RAB38: variants seen among roughly 807,000 people sequenced by gnomAD.
The protein encoded by RAB38 is ras-related protein Rab-38.
RAB38 carries 15 observed loss-of-function variants against 18.4 expected under a neutral mutation model. The observed-to-expected ratio is 0.82, with a 90% CI of 0.55 to 1.26. The LOEUF (loss-of-function observed/expected upper bound fraction) is 1.26, where lower values mean the gene tolerates loss of function less well. RAB38 is among the 50% of genes most tolerant of loss of function. The pLI, the probability that RAB38 is intolerant of heterozygous loss-of-function variation, is 0.00. For missense variants in RAB38, 294 were observed against 267.4 expected, an observed-to-expected ratio of 1.10 and a Z score of -0.69; for synonymous variants, 101 against 104.4, an observed-to-expected ratio of 0.97 and a Z score of 0.20.
chr11:87,938,007 TA>T, the RAB38 span, among the ~76,000 whole-genome samples: 1 of 151,996 alleles, frequency 6.6e-6, no homozygotes, highest in South Asian at 2.1e-4. Context: ...TTACATATAA[TA>T]AGTGACTTGA....
At chr11:88,056,745 A>G in the RAB38 span, among the ~76,000 whole-genome samples, 1 of 152,158 alleles carries the variant, frequency 6.6e-6, no homozygotes, top group Non-Finnish European at 1.5e-5. Flanking sequence ...CGGAGCTTGC[A>G]GTGAGCCAAG....
the RAB38 span, among the ~76,000 whole-genome samples, chr11:87,949,930 A>C: frequency 4.6e-5 from 7 of 152,198 alleles, no homozygotes; most frequent in African/African-American, 1.7e-4. Context: ...ACTGAGTTCA[A>C]TTCCTGGATA....
At chr11:88,012,187 T>A in the RAB38 span, among the ~76,000 whole-genome samples, 1 of 152,126 alleles carries the variant, frequency 6.6e-6, no homozygotes, top group Non-Finnish European at 1.5e-5. Context: ...GTTTAGACTG[T>A]GACCTACTGA....
chr11:88,088,040 T>C, the RAB38 span, among the ~76,000 whole-genome samples: 2 of 151,842 alleles, frequency 1.3e-5, no homozygotes, highest in Non-Finnish European at 2.9e-5. Flanking sequence ...CTGCCTAGCA[T>C]TGGAGGTGTG....
At chr11:88,095,791 C>G in the RAB38 span, among the ~76,000 whole-genome samples, 1 of 151,790 alleles carries the variant, frequency 6.6e-6, no homozygotes, top group Non-Finnish European at 1.5e-5. Flanking sequence ...ACAGTTATAC[C>G]TCCTACTCTG....
chr11:87,807,933 T>A, the RAB38 span, among the ~76,000 whole-genome samples: 2 of 152,186 alleles, frequency 1.3e-5, no homozygotes, highest in Non-Finnish European at 1.5e-5. Flanking sequence ...GAAACAAGTC[T>A]GTTTTTCCTA....
chr11:87,826,847 G>C, the RAB38 span, among the ~76,000 whole-genome samples: 1 of 152,094 alleles, frequency 6.6e-6, no homozygotes, highest in East Asian at 1.9e-4. Flanking sequence ...CTGACTCCAA[G>C]GCCTGGGTCA....
the RAB38 span, among the ~76,000 whole-genome samples, chr11:87,807,847 G>C: frequency 2.8e-4 from 42 of 152,232 alleles, no homozygotes; most frequent in Non-Finnish European, 5.4e-4. Flanking sequence ...GGACCAAACA[G>C]CTGCTCTCAC....
chr11:88,050,660 T>G, the RAB38 span, among the ~76,000 whole-genome samples: 1 of 152,250 alleles, frequency 6.6e-6, no homozygotes, highest in Non-Finnish European at 1.5e-5. Context: ...TAGAATTTAC[T>G]TTTTTGTCAG....
chr11:88,089,987 C>T, the RAB38 span, among the ~76,000 whole-genome samples: 1 of 151,822 alleles, frequency 6.6e-6, no homozygotes, highest in Admixed American at 6.6e-5. Context: ...GTGGGACCCA[C>T]CTCAGAACTG....
the RAB38 span, among the ~76,000 whole-genome samples, chr11:87,884,468 T>G: frequency 7.2e-5 from 11 of 152,030 alleles, no homozygotes; most frequent in South Asian, 2.3e-3. Context: ...CAAGATGGTT[T>G]GTAGCAGAGA....
the RAB38 span, among the ~76,000 whole-genome samples, chr11:88,035,634 T>A: frequency 6.6e-6 from 1 of 152,168 alleles, no homozygotes; most frequent in Non-Finnish European, 1.5e-5. Context: ...TCTAAACCAG[T>A]CTAAGTGACA....
At chr11:88,026,221 T>C in the RAB38 span, among the ~76,000 whole-genome samples, 1 of 152,018 alleles carries the variant, frequency 6.6e-6, no homozygotes, top group African/African-American at 2.4e-5. Context: ...GAAAATAGAT[T>C]AGTGGTTGCC....
At chr11:88,024,423 A>G in the RAB38 span, among the ~76,000 whole-genome samples, 2 of 152,194 alleles carry the variant, frequency 1.3e-5, no homozygotes, top group Admixed American at 1.3e-4. Context: ...AGAAACTCAT[A>G]TACTTCTGAT....
chr11:87,847,091 TA>T, the RAB38 span, among the ~76,000 whole-genome samples: 3 of 152,094 alleles, frequency 2.0e-5, no homozygotes, highest in East Asian at 3.9e-4. Context: ...GTTCATAATT[TA>T]AGGCCTATCC....
chr11:87,873,922 G>GTGTGTATATA, the RAB38 span, among the ~76,000 whole-genome samples: 287 of 103,052 alleles, frequency 2.8e-3, 7 homozygotes, highest in African/African-American at 0.01. Flanking sequence ...GTGTGTGTGT[G>GTGTGTATATA]TATATATATA....
intron 1 of RAB38, among the ~76,000 whole-genome samples, chr11:88,168,201 T>C (rs1274580786): frequency 6.6e-6 from 1 of 152,166 alleles, no homozygotes; most frequent in Non-Finnish European, 1.5e-5. Context: ...AGAAGACCTA[T>C]TTGTTAGAAT....
At chr11:87,811,349 G>C in the RAB38 span, among the ~76,000 whole-genome samples, 1 of 152,160 alleles carries the variant, frequency 6.6e-6, no homozygotes, top group Non-Finnish European at 1.5e-5. Flanking sequence ...AGGTGCCCTG[G>C]TGCCAGCTGC....
the RAB38 span, among the ~76,000 whole-genome samples, chr11:88,036,959 T>C: frequency 6.6e-6 from 1 of 152,046 alleles, no homozygotes; most frequent in Admixed American, 6.6e-5. Flanking sequence ...TAGTTTTGTG[T>C]GTGTGTCTTT....
Sources: allele counts gnomAD v4.1 joint callset (sites outside exome capture counted in the v4.1 genomes callset), GRCh38; gene constraint gnomAD v4.1.1; transcripts MANE v1.5; gene names NCBI Gene and HGNC (gene_info 2026-07-23, HGNC 2026-07-21).